Variants in FARP1 observed in about 807,000 individuals in gnomAD.
The protein encoded by FARP1 is FERM, ARH/RhoGEF and pleckstrin domain protein 1.
In FARP1, 52 loss-of-function variants were observed where a neutral mutation model predicts 128.8. The ratio of observed to expected loss-of-function variants is 0.40; its 90% CI spans 0.32 to 0.51. FARP1 has a LOEUF of 0.51. Ranked by LOEUF, FARP1 falls within the 20% of genes least tolerant of loss-of-function variation. The probability of loss-of-function intolerance (pLI) is 0.45; values close to 1 mark genes in which losing one functional copy is unlikely to be tolerated. For synonymous variants in FARP1, 580 were observed against 551.8 expected (o/e 1.05, Z -0.72); for missense variants, 1,333 against 1,367.9 (o/e 0.97, Z 0.40).
At chr13:98,293,274 C>CT (rs1427230800) in intron 2 of FARP1, among the ~76,000 whole-genome samples, 1 of 152,076 alleles carries the variant, frequency 6.6e-6, no homozygotes, top group East Asian at 1.9e-4. Flanking sequence ...ATTTACCAAG[C>CT]TAAGGAGGTC....
At chr13:98,228,692 G>T (rs1881934810) in intron 2 of FARP1, among the ~76,000 whole-genome samples, 1 of 152,104 alleles carries the variant, frequency 6.6e-6, no homozygotes, top group African/African-American at 2.4e-5. Context: ...GGAGTAAAAA[G>T]TTAATGGAAC....
chr13:98,143,773 C>T (rs1293275419), intron 1 of FARP1, among the ~76,000 whole-genome samples: 1 of 151,540 alleles, frequency 6.6e-6, no homozygotes, highest in East Asian at 2.0e-4. Flanking sequence ...GGCTGCGGGG[C>T]TCCGCGCCGG....
chr13:98,390,957 T>C, intron 11 of FARP1, 77 bp downstream of exon 11: 1 of 990,904 alleles, frequency 1.0e-6, no homozygotes, highest in East Asian at 2.4e-5. Context: ...CTGCTAAATA[T>C]TTCTTTACCC....
intron 1 of FARP1, among the ~76,000 whole-genome samples, chr13:98,202,241 G>T (rs941953001): frequency 6.6e-6 from 1 of 152,178 alleles, no homozygotes; most frequent in African/African-American, 2.4e-5. Flanking sequence ...GCTCATAAGA[G>T]CAGAGCCAGA....
At chr13:98,198,328 C>G (rs1879705626) in intron 1 of FARP1, among the ~76,000 whole-genome samples, 1 of 152,116 alleles carries the variant, frequency 6.6e-6, no homozygotes. Context: ...CAACATAGCC[C>G]AAAACTGGAA....
chr13:98,230,084 T>A (rs188060284), intron 2 of FARP1, among the ~76,000 whole-genome samples: 77 of 152,334 alleles, frequency 5.1e-4, no homozygotes, highest in African/African-American at 1.8e-3. Context: ...TGCCTCTTAC[T>A]TGCTTTAGAG....
At chr13:98,210,442 G>T (rs545720829) in intron 1 of FARP1, among the ~76,000 whole-genome samples, 40 of 152,008 alleles carry the variant, frequency 2.6e-4, no homozygotes, top group Non-Finnish European at 4.7e-4. Flanking sequence ...TCCTTTTATA[G>T]CCCCAGGGAG....
At chr13:98,177,208 G>A (rs1167910497) in intron 1 of FARP1, 4 of 1,569,334 alleles carry the variant, frequency 2.5e-6, no homozygotes, top group African/African-American at 1.4e-5. Context: ...TTGGTCGGCC[G>A]TCCTTCCTGG....
intron 2 of FARP1, among the ~76,000 whole-genome samples, chr13:98,227,133 G>A (rs570045868): frequency 5.9e-5 from 9 of 152,208 alleles, no homozygotes; most frequent in Middle Eastern, 3.4e-3. Context: ...TAGTAGAGAC[G>A]GGGTTTCACT....
chr13:98,306,414 G>T (rs1434524918), intron 2 of FARP1, among the ~76,000 whole-genome samples: 11 of 152,220 alleles, frequency 7.2e-5, no homozygotes, highest in African/African-American at 2.7e-4. Flanking sequence ...AAAGAAAACA[G>T]TCGAAGAGTT....
rs959499239 is a variant in FARP1, at chr13:98,295,012, C to T, written c.172-48750C>T. Among the ~76,000 whole-genome samples the T allele has an allele frequency of 4.3e-5, 6 of 140,880 alleles. No homozygotes were observed. The South Asian group carries it at 1.0e-3, about 24-fold the overall frequency. 92.4% of individuals were successfully genotyped at this position (140,880 alleles called of 152,430 possible). A position where few individuals can be genotyped will look rare whatever the true frequency, so the allele number is the denominator to read the frequency against. On this transcript the variant is annotated intron_variant, in intron 2 of 26. Coordinates refer to ENST00000319562, the MANE Select transcript of FARP1 (RefSeq NM_005766.4). ...AGCCTGGGCAACAAGAGCAAAACTC[C>T]GTCTCAGAAAAAAAAAATTATATAT...
intron 1 of FARP1, among the ~76,000 whole-genome samples, chr13:98,181,008 G>A (rs531384736): frequency 6.6e-6 from 1 of 151,272 alleles, no homozygotes. Flanking sequence ...TTTTCTTAGG[G>A]TTGATTCCTA....
At chr13:98,255,354 A>C (rs1421904932) in intron 2 of FARP1, among the ~76,000 whole-genome samples, 1 of 152,078 alleles carries the variant, frequency 6.6e-6, no homozygotes, top group Non-Finnish European at 1.5e-5. Flanking sequence ...AAAAAAAAAT[A>C]GCCGGGCATG....
intron 2 of FARP1, among the ~76,000 whole-genome samples, chr13:98,284,457 G>A (rs1183605396): frequency 6.6e-6 from 1 of 152,118 alleles, no homozygotes; most frequent in African/African-American, 2.4e-5. Context: ...CCTGAGAAGT[G>A]TTCCCCCAAC....
At chr13:98,244,750 A>C (rs1197681314) in intron 2 of FARP1, 1 of 1,556,036 alleles carries the variant, frequency 6.4e-7, no homozygotes, top group East Asian at 2.2e-5. Flanking sequence ...CATTCAAAGA[A>C]ATTGATTGGC....
intron 16 of FARP1, among the ~76,000 whole-genome samples, chr13:98,417,492 TG>T (rs1891432448): frequency 1.4e-5 from 1 of 69,598 alleles, no homozygotes; most frequent in Non-Finnish European, 2.8e-5. Flanking sequence ...AAAGAACACA[TG>T]GGGGTGGAGG....
rs750490229 is a variant in FARP1, at chr13:98,439,949, T to C, written c.2434-12T>C. 2.6e-5 allele frequency: 40 copies of C among 1,542,820 alleles called. No homozygotes were observed. The highest frequency in any genetic ancestry group is 3.3e-5 in the Non-Finnish European group (38 of 1,137,972). On this transcript the variant is annotated splice_polypyrimidine_tract_variant and intron_variant, in intron 21 of 26. Transcript: ENST00000319562. ...CGTGCCTCATGGTGACGTTATCTTC[T>C]CTTGCCCACAGATTGAGGAGAGCGA...
At chr13:98,418,877 G>T (rs1274036253) in intron 16 of FARP1, among the ~76,000 whole-genome samples, 4 of 152,166 alleles carry the variant, frequency 2.6e-5, no homozygotes, top group Non-Finnish European at 5.9e-5. Context: ...CCTGTGACCG[G>T]GTTGTCACTT....
intron 1 of FARP1, among the ~76,000 whole-genome samples, chr13:98,195,852 C>CT (rs951574962): frequency 6.6e-6 from 1 of 152,090 alleles, no homozygotes; most frequent in Non-Finnish European, 1.5e-5. Context: ...CAGTGAAACT[C>CT]TGTCTCTACA....
Sources: gnomAD v4.1 joint callset for allele counts (sites outside exome capture counted in the v4.1 genomes callset) on GRCh38, gnomAD v4.1.1 for gene constraint, MANE v1.5 for transcripts, NCBI Gene and HGNC (gene_info 2026-07-23, HGNC 2026-07-21) for gene names.